Variants in PRKCE observed in about 807,000 individuals in gnomAD.
PRKCE encodes the protein protein kinase C epsilon type.
In PRKCE, 16 loss-of-function variants were observed where a neutral mutation model predicts 85.4. The observed-to-expected ratio is 0.19, with a 90% CI of 0.13 to 0.28. The LOEUF is 0.28. Ranked by LOEUF, PRKCE falls within the 10% of genes least tolerant of loss-of-function variation. The probability of loss-of-function intolerance (pLI) is 1.00; values close to 1 mark genes in which losing one functional copy is unlikely to be tolerated. For synonymous variants in PRKCE, 388 were observed against 371.5 expected (o/e 1.04, Z -0.51); for missense variants, 573 against 975.2 (o/e 0.59, Z 5.49).
intron 1 of PRKCE, among the ~76,000 whole-genome samples, chr2:45,691,804 T>C (rs1431071101): frequency 6.6e-6 from 1 of 152,154 alleles, no homozygotes; most frequent in African/African-American, 2.4e-5. Context: ...CGGCACTCTT[T>C]CCTGTAGCGG....
chr2:46,084,739 AAG>A (rs1165437885), intron 10 of PRKCE, among the ~76,000 whole-genome samples: 4 of 147,772 alleles, frequency 2.7e-5, no homozygotes, highest in African/African-American at 9.8e-5. Context: ...AAAAAAAAAA[AAG>A]AATGTGCTCT....
At chr2:45,959,978 T>C (rs866349358) in intron 2 of PRKCE, among the ~76,000 whole-genome samples, 52 of 152,232 alleles carry the variant, frequency 3.4e-4, no homozygotes, top group South Asian at 1.0e-3. Context: ...TCAGACCCCA[T>C]ATACATTTAA....
At chr2:46,181,874 C>A (rs1268087270) in intron 14 of PRKCE, among the ~76,000 whole-genome samples, 1 of 152,102 alleles carries the variant, frequency 6.6e-6, no homozygotes, top group Non-Finnish European at 1.5e-5. Context: ...AAAGAGGGAG[C>A]CTCCTCAGTG....
At chr2:46,128,318 G>A (rs1674074369) in intron 11 of PRKCE, among the ~76,000 whole-genome samples, 1 of 152,164 alleles carries the variant, frequency 6.6e-6, no homozygotes, top group South Asian at 2.1e-4. Flanking sequence ...GGTTTAAATG[G>A]TCAAGTTTGG....
At chr2:45,716,674 GAAGAAGAAGAAGAAGA>G in intron 1 of PRKCE, among the ~76,000 whole-genome samples, 1 of 140,708 alleles carries the variant, frequency 7.1e-6, no homozygotes, top group Admixed American at 7.3e-5. Context: ...AGAAAAAGAA[GAAGAAGAAGAAGAAGA>G]GAAGGAAGGA....
intron 14 of PRKCE, among the ~76,000 whole-genome samples, chr2:46,181,335 G>T (rs983873972): frequency 1.3e-5 from 2 of 152,158 alleles, no homozygotes; most frequent in Non-Finnish European, 2.9e-5. Context: ...AATTAGAAAT[G>T]GGTAACTCAC....
At chr2:45,935,802 G>T (rs1020524086) in intron 2 of PRKCE, among the ~76,000 whole-genome samples, 11 of 144,456 alleles carry the variant, frequency 7.6e-5, no homozygotes, top group African/African-American at 2.8e-4. Context: ...AAAAAAAATC[G>T]CAGCTTAGCT....
chr2:45,791,147 G>T (rs978316797), intron 1 of PRKCE, among the ~76,000 whole-genome samples: 1 of 152,122 alleles, frequency 6.6e-6, no homozygotes, highest in Admixed American at 6.5e-5. Context: ...GACTGGTCAC[G>T]GGGCTTGGGG....
intron 1 of PRKCE, among the ~76,000 whole-genome samples, chr2:45,775,039 C>T (rs1032337645): frequency 2.6e-5 from 4 of 152,166 alleles, no homozygotes; most frequent in African/African-American, 4.8e-5. Context: ...CTCCTCCCCA[C>T]GGTTGAATTG....
intron 10 of PRKCE, among the ~76,000 whole-genome samples, chr2:46,084,718 C>CAAAAAAAAAA (rs11314680): frequency 1.1e-5 from 1 of 92,236 alleles, no homozygotes. Flanking sequence ...GAGACTCCAT[C>CAAAAAAAAAA]AAAAAAAAAA....
At chr2:45,653,772 A>G (rs1017206258) in intron 1 of PRKCE, among the ~76,000 whole-genome samples, 1 of 152,212 alleles carries the variant, frequency 6.6e-6, no homozygotes, top group Non-Finnish European at 1.5e-5. Context: ...GGGAAGCTCC[A>G]ACAAGCCACA....
rs887130535 is a variant in PRKCE, at chr2:45,907,301, T to A, written c.412+64238T>A. Among the ~76,000 whole-genome samples, 2 of 152,142 alleles carry A rather than the reference T, an allele frequency of 1.3e-5. No individual in the cohort carries two copies. Among genetic ancestry groups the A allele is most frequent in the Non-Finnish European group, 2.9e-5 (2 of 68,024 alleles). On this transcript the variant is annotated intron_variant, in intron 2 of 14. Coordinates refer to ENST00000306156, the MANE Select transcript of PRKCE (RefSeq NM_005400.3). The surrounding 1 kb of genome is among the most constrained non-coding windows in gnomAD (Gnocchi z 4.5). ...AAAAATAAATCAGCCCCCTATTGAGTGACTTTCAGGAATGAGAGGCAGGCA... is the reference window on the plus strand; with the variant it reads ...AAAAATAAATCAGCCCCCTATTGAGAGACTTTCAGGAATGAGAGGCAGGCA...
intron 11 of PRKCE, among the ~76,000 whole-genome samples, chr2:46,141,305 G>A (rs534804916): frequency 2.2e-4 from 34 of 152,296 alleles, no homozygotes; most frequent in African/African-American, 7.7e-4. Flanking sequence ...CTCTTTAAGT[G>A]CCAAGACAGA....
chr2:45,652,091 CG>C lies in PRKCE; in HGVS notation c.-9del. On this transcript the variant is annotated 5_prime_UTR_variant, in exon 1 of 15. Transcript: ENST00000306156. The surrounding 1 kb of genome is among the most constrained non-coding windows in gnomAD (Gnocchi z 7.7). Reference sequence around the variant, plus strand: ...CGGAGTGACCCCGGCCCCCACTCCCCGCCCCGACCATGGTAGTGTTCAATGG... The same window carrying C: ...CGGAGTGACCCCGGCCCCCACTCCCCCCCCGACCATGGTAGTGTTCAATGG... 3 of 1,528,358 alleles carry C rather than the reference CG, an allele frequency of 2.0e-6. No homozygotes were observed. Among genetic ancestry groups the C allele is most frequent in the Non-Finnish European group, 2.6e-6 (3 of 1,133,144 alleles). 94.7% of individuals were successfully genotyped at this position (1,528,358 alleles called of 1,614,324 possible).
At chr2:46,007,804 G>A in intron 9 of PRKCE, 143 bp downstream of exon 9, 3 of 879,530 alleles carry the variant, frequency 3.4e-6, no homozygotes, top group South Asian at 1.8e-5. Context: ...CAAATGACCT[G>A]AGGCCAAGTA....
rs146047090 is a variant in PRKCE, at chr2:45,697,302, C to T, written c.348+44854C>T. Among the ~76,000 whole-genome samples the T allele has an allele frequency of 5.5e-3, 843 of 152,230 alleles. 3 individuals carry two copies. The highest frequency in any genetic ancestry group is 0.012 in the Admixed American group (177 of 15,296). On this transcript the variant is annotated intron_variant, in intron 1 of 14. Coordinates refer to ENST00000306156, the MANE Select transcript of PRKCE (RefSeq NM_005400.3). This position sits in a 1 kb window ranked among gnomAD's most constrained non-coding sequence, Gnocchi z 4.2. ...GCCCACATTCTGCTTGGCTCTGGTC[C>T]GGAGGTTTTATGGGGGATCTGGAGA...
intron 11 of PRKCE, among the ~76,000 whole-genome samples, chr2:46,106,691 G>C (rs1020318915): frequency 1.3e-5 from 2 of 152,182 alleles, no homozygotes; most frequent in Non-Finnish European, 2.9e-5. Flanking sequence ...CTGTGTGTCT[G>C]AATGTCCACT....
chr2:45,951,815 T>A (rs574209886), intron 2 of PRKCE, among the ~76,000 whole-genome samples: 2 of 152,316 alleles, frequency 1.3e-5, no homozygotes, highest in Admixed American at 6.5e-5. Context: ...TGATCCAGAC[T>A]CTCAGACTCT....
At chr2:45,832,995 A>G (rs1220625784) in intron 1 of PRKCE, among the ~76,000 whole-genome samples, 1 of 152,066 alleles carries the variant, frequency 6.6e-6, no homozygotes, top group Non-Finnish European at 1.5e-5. Flanking sequence ...GAAACAAATG[A>G]TCGTGTCTTG....
Sources: allele counts gnomAD v4.1 joint callset (sites outside exome capture counted in the v4.1 genomes callset), GRCh38; gene constraint gnomAD v4.1.1; non-coding constraint Gnocchi (gnomAD v3.1); transcripts MANE v1.5; gene names NCBI Gene and HGNC (gene_info 2026-07-23, HGNC 2026-07-21).